Variants in HPR observed in about 807,000 individuals in gnomAD.
HPR encodes the protein haptoglobin-related protein.
A neutral mutation model predicts 18.5 loss-of-function variants in HPR; 17 were observed. The ratio of observed to expected loss-of-function variants is 0.92; its 90% CI spans 0.63 to 1.38. The LOEUF (loss-of-function observed/expected upper bound fraction) is 1.38, where lower values mean the gene tolerates loss of function less well. HPR is among the 40% of genes most tolerant of loss of function. The probability of loss-of-function intolerance (pLI) is 0.00; values close to 1 mark genes in which losing one functional copy is unlikely to be tolerated. For synonymous variants in HPR, 176 were observed against 165.0 expected, an observed-to-expected ratio of 1.07 and a Z score of -0.51; for missense variants, 457 against 432.4, an observed-to-expected ratio of 1.06 and a Z score of -0.51.
At chr16:72,072,382 T>C (rs947231087) in intron 1 of HPR, among the ~76,000 whole-genome samples, 1 of 152,186 alleles carries the variant, frequency 6.6e-6, no homozygotes, top group African/African-American at 2.4e-5. Flanking sequence ...TCAAATGGCC[T>C]GGGAAAATAA....
chr16:72,072,999 G>C (rs1258990909), intron 1 of HPR, among the ~76,000 whole-genome samples: 1 of 152,082 alleles, frequency 6.6e-6, no homozygotes, highest in Non-Finnish European at 1.5e-5. Context: ...CCCGCCAGTC[G>C]TTATCTATAG....
At position 72,076,626 on chromosome 16, in the gene HPR, G is replaced by A. The variant is rs1366397160; in HGVS notation, c.592G>A (p.Val198Met). The A allele has an allele frequency of 1.9e-6, 3 of 1,614,172 alleles. No individual in the cohort carries two copies. The highest frequency in any genetic ancestry group is 2.5e-6 in the Non-Finnish European group (3 of 1,180,034). The change falls in exon 5 of 5, where the codon GTG (valine) becomes ATG (methionine). Residue 198 changes from valine (V) to methionine (M), a missense_variant. Physicochemically the swap from Val to Met is conservative, Grantham distance 21 (BLOSUM62 1). Coordinates refer to ENST00000540303, the MANE Select transcript of HPR (RefSeq NM_020995.4). ...DIGLIKLKQK[V>M]LVNERVMPIC... ...TGGGCTCATCAAACTCAAACAGAAG[G>A]TGCTTGTTAATGAGAGAGTGATGCC...
chr16:72,074,268 TTCTC>T lies in HPR; in HGVS notation c.92-10_92-7del. 2 of 1,608,746 alleles carry T rather than the reference TTCTC, an allele frequency of 1.2e-6. No individual in the cohort carries two copies. Among genetic ancestry groups the T allele is most frequent in the Non-Finnish European group, 1.7e-6 (2 of 1,175,186 alleles). On this transcript the variant is annotated splice_polypyrimidine_tract_variant and intron_variant, in intron 2 of 4. Transcript: ENST00000540303. ...ATTTCCAAATGGTAAACTCTCTGGC[TTCTC>T]TCTCTTTGCAGATGACCGCTTCCCG...
Position 72,076,488 on chromosome 16 carries a change from G to C in HPR, c.454G>C (p.Glu152Gln). 1 of 1,614,126 alleles carries C rather than the reference G, an allele frequency of 6.2e-7. No individual in the cohort carries two copies. The highest frequency in any genetic ancestry group is 8.5e-7 in the Non-Finnish European group (1 of 1,179,990). ...TAAAAATCTCTTCCTGAACCATTCA[G>C]AAAATGCAACAGCGAAAGACATTGC... ...TAKNLFLNHS[E>Q]NATAKDIAPT... The change falls in exon 5 of 5, where the codon GAA becomes CAA. Residue 152 changes from glutamate (E) to glutamine (Q), a missense_variant. Coordinates refer to ENST00000540303, the MANE Select transcript of HPR (RefSeq NM_020995.4).
At chr16:72,069,096 G>A (rs2041628325) in intron 1 of HPR, among the ~76,000 whole-genome samples, 1 of 152,148 alleles carries the variant, frequency 6.6e-6, no homozygotes. Context: ...TAATTGGTCT[G>A]CCCAAACTTG....
Position 72,074,304 on chromosome 16 carries a change from CCT to C in HPR, c.113_114del (p.Pro38ArgfsTer16), listed in dbSNP as rs201495990. On this transcript the variant is annotated frameshift_variant, in exon 3 of 5. Transcript: ENST00000540303. LOFTEE classifies it high-confidence loss of function. ...DISDDRFPKP[P>X]EIANGYVEHL... ...TGCAGATGACCGCTTCCCGAAGCCC[CCT>C]GAGATTGCAAATGGCTATGTGGAGC... The C allele has an allele frequency of 3.7e-5, 60 of 1,613,888 alleles. 1 individual carries two copies. The East Asian group carries it at 4.2e-4, about 11-fold the overall frequency.
At chr16:72,064,546 A>G (rs542724261) in intron 1 of HPR, among the ~76,000 whole-genome samples, 2 of 152,294 alleles carry the variant, frequency 1.3e-5, no homozygotes, top group South Asian at 4.1e-4. Context: ...AAGTTAGCCA[A>G]CCGGGTTCGG....
intron 1 of HPR, among the ~76,000 whole-genome samples, chr16:72,069,169 C>G (rs567430025): frequency 9.5e-4 from 145 of 152,306 alleles, no homozygotes; most frequent in Non-Finnish European, 1.7e-3. Context: ...ACCATCTATA[C>G]TGATTCTAAG....
rs1300328706 is a variant in HPR at position 72,075,155 on chromosome 16, C to G, written c.204C>G (p.Thr68=). ...TGCCTTTTGTTTCAGGAGTATACAC[C>G]TTAAATGATAAGAAGCAGTGGATAA... ...RLRTEGDGVY[T]LNDKKQWINK... Residue 68 remains threonine, a synonymous_variant, in exon 4 of 5, where the codon ACC becomes ACG. Coordinates refer to ENST00000540303, the MANE Select transcript of HPR (RefSeq NM_020995.4). The G allele has an allele frequency of 2.3e-6, 3 of 1,305,884 alleles. No homozygotes were observed. Among genetic ancestry groups the G allele is most frequent in the African/African-American group, 1.4e-5 (1 of 69,560 alleles). 80.9% of individuals were successfully genotyped at this position (1,305,884 alleles called of 1,614,324 possible).
chr16:72,075,450 C>T (rs957885030), intron 4 of HPR, among the ~76,000 whole-genome samples: 16 of 152,218 alleles, frequency 1.1e-4, no homozygotes, highest in Admixed American at 6.5e-5. Flanking sequence ...AATCCACTGT[C>T]GGCATTGCCC....
chr16:72,064,158 C>A (rs1352763052), intron 1 of HPR, among the ~76,000 whole-genome samples: 1 of 152,180 alleles, frequency 6.6e-6, no homozygotes, highest in Non-Finnish European at 1.5e-5. Context: ...TGCTTTCAGA[C>A]ACCAGTTCTC....
chr16:72,071,959 T>G (rs2041661208), intron 1 of HPR, among the ~76,000 whole-genome samples: 1 of 152,082 alleles, frequency 6.6e-6, no homozygotes, highest in South Asian at 2.1e-4. Flanking sequence ...TTCTGGTGGT[T>G]AACTATAAAT....
intron 1 of HPR, among the ~76,000 whole-genome samples, chr16:72,073,028 G>C (rs1488539876): frequency 6.6e-6 from 1 of 152,080 alleles, no homozygotes; most frequent in African/African-American, 2.4e-5. Context: ...TTCCACATCT[G>C]CTACCCACTC....
In HPR at chr16:72,076,476, C is replaced by T. The variant is rs1343561263; in HGVS notation, c.442C>T (p.Leu148=). The T allele has an allele frequency of 5.0e-6, 8 of 1,614,036 alleles. No individual in the cohort carries two copies. The highest frequency in any genetic ancestry group is 5.9e-6 in the Non-Finnish European group (7 of 1,180,008). ...GCTGACCACGGCTAAAAATCTCTTC[C>T]TGAACCATTCAGAAAATGCAACAGC... ...WLLTTAKNLF[L]NHSENATAKD... The change falls in exon 5 of 5, where the codon CTG becomes TTG. Residue 148 remains leucine (L), a synonymous_variant. Coordinates refer to ENST00000540303, the MANE Select transcript of HPR (RefSeq NM_020995.4).
chr16:72,071,215 C>G (rs1469423927), intron 1 of HPR, among the ~76,000 whole-genome samples: 7 of 152,190 alleles, frequency 4.6e-5, no homozygotes, highest in Non-Finnish European at 1.0e-4. Context: ...AACAACCCAA[C>G]TAAAGTAACG....
intron 1 of HPR, among the ~76,000 whole-genome samples, chr16:72,064,376 C>T (rs558406561): frequency 5.3e-5 from 8 of 152,260 alleles, no homozygotes; most frequent in African/African-American, 1.7e-4. Context: ...TGTGTTTCCC[C>T]TACCCTGGTA....
intron 1 of HPR, among the ~76,000 whole-genome samples, chr16:72,064,386 AAAC>A (rs1365114164): frequency 6.6e-6 from 1 of 152,128 alleles, no homozygotes; most frequent in African/African-American, 2.4e-5. Context: ...CTACCCTGGT[AAAC>A]AACCTTCCTG....
At chr16:72,065,560 C>A (rs899782952) in intron 1 of HPR, among the ~76,000 whole-genome samples, 2 of 152,150 alleles carry the variant, frequency 1.3e-5, no homozygotes, top group African/African-American at 4.8e-5. Flanking sequence ...GAGGACTAAG[C>A]ATAAGAAGAA....
rs566895231 is a variant in HPR at position 72,076,662 on chromosome 16, C to T, written c.628C>T (p.Pro210Ser). Residue 210 changes from proline (P) to serine (S), a missense_variant, in exon 5 of 5, where the codon CCT (proline) becomes TCT (serine). By Grantham distance (74) the Pro-to-Ser change is moderately conservative. Transcript: ENST00000540303. ...TGAGAGAGTGATGCCCATCTGCCTACCTTCAAAGAATTATGCAGAAGTAGG... is the reference window on the plus strand; with the variant it reads ...TGAGAGAGTGATGCCCATCTGCCTATCTTCAAAGAATTATGCAGAAGTAGG... ...VNERVMPICL[P>S]SKNYAEVGRV... 27 of 1,614,212 alleles carry T rather than the reference C, an allele frequency of 1.7e-5. No homozygotes were observed. In the East Asian group the frequency reaches 4.2e-4, roughly 25 times the overall value.
Sources: gnomAD v4.1 joint callset for allele counts (sites outside exome capture counted in the v4.1 genomes callset) on GRCh38, gnomAD v4.1.1 for gene constraint, MANE v1.5 for transcripts, NCBI Gene and HGNC (gene_info 2026-07-23, HGNC 2026-07-21) for gene names.